Variants in TRIM26 observed in about 807,000 individuals in gnomAD.
TRIM26 encodes the protein tripartite motif-containing protein 26.
A neutral mutation model predicts 45.5 loss-of-function variants in TRIM26; 16 were observed. That is an observed-to-expected ratio of 0.35 (90% confidence interval 0.24 to 0.53). TRIM26 has a LOEUF of 0.53. Among genes scored for constraint, TRIM26 ranks in the 20% least tolerant of loss-of-function variants. The pLI, the probability that TRIM26 is intolerant of heterozygous loss-of-function variation, is 0.92. For missense variants in TRIM26, 442 were observed against 691.1 expected, an observed-to-expected ratio of 0.64 and a Z score of 4.04; for synonymous variants, 273 against 290.4, an observed-to-expected ratio of 0.94 and a Z score of 0.61.
intron 1 of TRIM26, among the ~76,000 whole-genome samples, chr6:30,208,913 T>TGC (rs1236198982): frequency 2.8e-3 from 372 of 134,530 alleles, no homozygotes; most frequent in African/African-American, 7.5e-3. Flanking sequence ...TATGTGTGTG[T>TGC]GTGTGTGTGT....
In TRIM26 at chr6:30,196,690, C is replaced by A. The variant is rs17194565; in HGVS notation, c.591G>T (p.Gln197His). Residue 197 changes from glutamine to histidine, a missense_variant, in exon 6 of 10, where the codon CAG (glutamine) becomes CAT (histidine). Physicochemically the swap from Gln to His is conservative, Grantham distance 24 (BLOSUM62 0). Coordinates refer to ENST00000454678, the MANE Select transcript of TRIM26 (RefSeq NM_003449.5). The surrounding 1 kb of genome is among the most constrained non-coding windows in gnomAD (Gnocchi z 4.9). ...GGTGTTCCTCCCGCTCCCTCAGGAA[C>A]TGATGACCCTGCTCAAACTCAGCCA... ...YIVAEFEQGH[Q>H]FLREREEHLL... The A allele has an allele frequency of 9.1e-3, 14,690 of 1,614,236 alleles. 778 individuals carry two copies. In the Admixed American group the frequency reaches 0.11, roughly 13 times the overall value.
intron 5 of TRIM26, among the ~76,000 whole-genome samples, chr6:30,197,454 C>A (rs1776609386): frequency 6.6e-6 from 1 of 152,104 alleles, no homozygotes; most frequent in Non-Finnish European, 1.5e-5. Flanking sequence ...TGGCCCTGAC[C>A]CCACTACTCC....
rs1343656847 is a variant in TRIM26, at chr6:30,193,188, T to A, written c.766-3153A>T. Among the ~76,000 whole-genome samples, 322 of 72,754 alleles carry A rather than the reference T, an allele frequency of 4.4e-3. 17 individuals are homozygous for A. The highest frequency in any genetic ancestry group is 0.031 in the Admixed American group (201 of 6,386). 47.7% of individuals were successfully genotyped at this position (72,754 alleles called of 152,430 possible). On this transcript the variant is annotated intron_variant, in intron 6 of 9. Transcript: ENST00000454678. ...TATATATATATATATATATATTTTT[T>A]TTTTTTTTTTTTTAATGGAGTCTCA...
intron 2 of TRIM26, among the ~76,000 whole-genome samples, chr6:30,201,549 G>A (rs1191738519): frequency 6.6e-6 from 1 of 152,076 alleles, no homozygotes; most frequent in Non-Finnish European, 1.5e-5. Flanking sequence ...AATGCTGGTA[G>A]AAATGCTAGG....
At chr6:30,200,880 A>C (rs1422162084) in intron 3 of TRIM26, among the ~76,000 whole-genome samples, 155 bp downstream of exon 3, 1 of 152,220 alleles carries the variant, frequency 6.6e-6, no homozygotes, top group Non-Finnish European at 1.5e-5. Flanking sequence ...GAAATCTAGG[A>C]GAGAACCCAC....
At chr6:30,210,083 T>C (rs3130381) in intron 1 of TRIM26, among the ~76,000 whole-genome samples, 63,868 of 151,290 alleles carry the variant, frequency 0.42, 13,636 homozygotes, top group Non-Finnish European at 0.45. Context: ...CACGCGCCTG[T>C]AGTCCTAGCT....
rs765687696 is a variant in TRIM26, at chr6:30,199,095, C to T, written c.9G>A (p.Thr3=). 1.2e-5 allele frequency: 18 copies of T among 1,560,614 alleles called. No homozygotes were observed. The highest frequency in any genetic ancestry group is 1.8e-5 in the Admixed American group (1 of 55,238). Residue 3 remains threonine (T), a synonymous_variant, in exon 4 of 10, where the codon ACG becomes ACA. Coordinates refer to ENST00000454678, the MANE Select transcript of TRIM26 (RefSeq NM_003449.5). MA[T]SAPLRSLEEE... The stretch of plus-strand genomic sequence containing the variant: ...CTTCCAGGCTCCGTAGTGGGGCTGA[C>T]GTGGCCATGGTATCCTTAGTTCAGA...
intron 1 of TRIM26, among the ~76,000 whole-genome samples, chr6:30,208,974 A>C (rs1421247579): frequency 1.3e-5 from 2 of 151,590 alleles, no homozygotes; most frequent in African/African-American, 4.8e-5. Flanking sequence ...AAAAGGAAAC[A>C]GCATGAGACA....
chr6:30,199,803 A>G (rs1776946043), intron 3 of TRIM26, among the ~76,000 whole-genome samples: 1 of 151,840 alleles, frequency 6.6e-6, no homozygotes, highest in African/African-American at 2.4e-5. Context: ...CACCTGGCTA[A>G]TTTTTTGTAT....
In TRIM26 at chr6:30,198,359, T is replaced by C; in HGVS notation, c.534+70A>G. 6.4e-7 allele frequency: 1 copy of C among 1,563,832 alleles called. No homozygotes were observed. The highest frequency in any genetic ancestry group is 8.8e-7 in the Non-Finnish European group (1 of 1,138,664). ...CTAGAAACACCTCCCAGCTGCCGCCTACTTGCCCAGGCTCACCCTGCCCTA... is the reference window on the plus strand; with the variant it reads ...CTAGAAACACCTCCCAGCTGCCGCCCACTTGCCCAGGCTCACCCTGCCCTA... On this transcript the variant is annotated intron_variant, in intron 5 of 9. Transcript: ENST00000454678. This position sits in a 1 kb window ranked among gnomAD's most constrained non-coding sequence, Gnocchi z 6.3.
In TRIM26 at chr6:30,186,573, GA is replaced by G. The variant is rs28381562; in HGVS notation, c.938-16del. On this transcript the variant is annotated splice_polypyrimidine_tract_variant and intron_variant, in intron 9 of 9. Coordinates refer to ENST00000454678, the MANE Select transcript of TRIM26 (RefSeq NM_003449.5). The surrounding 1 kb of genome is among the most constrained non-coding windows in gnomAD (Gnocchi z 7.4). ...GGTGACGCTCACTGTGGGGACAAGG[GA>G]AAAAAAAAAAAACAGCATCACTGTT... The G allele has an allele frequency of 0.03, 39,546 of 1,318,182 alleles. 156 individuals carry two copies. Among genetic ancestry groups the G allele is most frequent in the Admixed American group, 0.097 (3,461 of 35,780 alleles). 81.7% of individuals were successfully genotyped at this position (1,318,182 alleles called of 1,614,324 possible).
At position 30,189,093 on chromosome 6, in the gene TRIM26, G is replaced by A. The variant is rs1046180912; in HGVS notation, c.937+74C>T. 9.9e-6 allele frequency: 15 copies of A among 1,515,966 alleles called. No individual in the cohort carries two copies. Among genetic ancestry groups the A allele is most frequent in the Non-Finnish European group, 1.3e-5 (15 of 1,117,530 alleles). 93.9% of individuals were successfully genotyped at this position (1,515,966 alleles called of 1,614,324 possible). Reference sequence around the variant, plus strand: ...AAAAGGGGCTACCTGGGGGAAAAGTGAGCAGTCAGAATCTCTGCAGGCGGA... The same window carrying A: ...AAAAGGGGCTACCTGGGGGAAAAGTAAGCAGTCAGAATCTCTGCAGGCGGA... On this transcript the variant is annotated intron_variant, in intron 9 of 9. Coordinates refer to ENST00000454678, the MANE Select transcript of TRIM26 (RefSeq NM_003449.5). This position sits in a 1 kb window ranked among gnomAD's most constrained non-coding sequence, Gnocchi z 5.0.
intron 9 of TRIM26, chr6:30,187,532 C>A: frequency 3.9e-6 from 2 of 511,204 alleles, no homozygotes; most frequent in Non-Finnish European, 8.0e-6. Context: ...CATATTCAGT[C>A]CGACATCTTT....
At position 30,189,358 on chromosome 6, in the gene TRIM26, C is replaced by T; in HGVS notation, c.904+60G>A. ...AGGTGATGGAAAGGAGCTGGGTGCG[C>T]TCTTTCTACGAGGTAGCCCTGCTCT... On this transcript the variant is annotated intron_variant, in intron 8 of 9. Transcript: ENST00000454678. This position sits in a 1 kb window ranked among gnomAD's most constrained non-coding sequence, Gnocchi z 5.0. 3.8e-6 allele frequency: 6 copies of T among 1,586,134 alleles called. No individual in the cohort carries two copies. Among genetic ancestry groups the T allele is most frequent in the South Asian group, 1.1e-5 (1 of 89,694 alleles).
Position 30,209,475 on chromosome 6 carries a change from G to T in TRIM26, c.-376+3830C>A, listed in dbSNP as rs1778063973. Among the ~76,000 whole-genome samples, 1 of 152,184 alleles carries T rather than the reference G, an allele frequency of 6.6e-6. No individual in the cohort carries two copies. Among genetic ancestry groups the T allele is most frequent in the Non-Finnish European group, 1.5e-5 (1 of 68,028 alleles). On this transcript the variant is annotated intron_variant, in intron 1 of 9. Transcript: ENST00000454678. This position sits in a 1 kb window ranked among gnomAD's most constrained non-coding sequence, Gnocchi z 4.8. ...TGGGTCATGAGGGTGTAACTCTCAT[G>T]AATGGATTAATGCCTTTCTTGCAAG...
At chr6:30,192,922 T>C (rs1581668935) in intron 6 of TRIM26, among the ~76,000 whole-genome samples, 2 of 151,542 alleles carry the variant, frequency 1.3e-5, no homozygotes, top group African/African-American at 4.9e-5. Context: ...CCCTTCCCCA[T>C]TGTATGTTCT....
intron 3 of TRIM26, among the ~76,000 whole-genome samples, chr6:30,199,826 C>G (rs143444447): frequency 6.6e-6 from 1 of 152,024 alleles, no homozygotes; most frequent in Non-Finnish European, 1.5e-5. Flanking sequence ...TTAGTAGAGA[C>G]GGGGTTTCAC....
At chr6:30,193,182 ATTTT>A (rs59857727) in intron 6 of TRIM26, among the ~76,000 whole-genome samples, 4 of 38,818 alleles carry the variant, frequency 1.0e-4, no homozygotes, top group Admixed American at 3.9e-4. Flanking sequence ...ATATATATAT[ATTTT>A]TTTTTTTTTT....
At chr6:30,188,948 G>A (rs1432355586) in intron 9 of TRIM26, among the ~76,000 whole-genome samples, 2 of 152,066 alleles carry the variant, frequency 1.3e-5, no homozygotes, top group African/African-American at 4.8e-5. Context: ...CAAACACAGG[G>A]CAGAGAAGGA....
Sources: gnomAD v4.1 joint callset for allele counts (sites outside exome capture counted in the v4.1 genomes callset) on GRCh38, gnomAD v4.1.1 for gene constraint, Gnocchi (gnomAD v3.1) non-coding constraint, MANE v1.5 for transcripts, NCBI Gene and HGNC (gene_info 2026-07-23, HGNC 2026-07-21) for gene names.